The following NRG1 variants were observed in gnomAD, a reference collection of about 807,000 sequenced individuals.
The protein encoded by NRG1 is neuregulin 1.
In NRG1, 18 loss-of-function variants were observed where a neutral mutation model predicts 63.8. The observed-to-expected ratio is 0.28, with a 90% CI of 0.19 to 0.42. The LOEUF is 0.42. Among genes scored for constraint, NRG1 ranks in the 10% least tolerant of loss-of-function variants. NRG1 has a pLI of 1.00. For missense variants in NRG1, 762 were observed against 814.7 expected (o/e 0.94, Z 0.79); for synonymous variants, 302 against 301.3 (o/e 1.00, Z -0.02).
chr8:32,333,215 TGG>T (rs1437212666), intron 1 of NRG1, among the ~76,000 whole-genome samples: 2 of 152,198 alleles, frequency 1.3e-5, no homozygotes, highest in Non-Finnish European at 2.9e-5. Context: ...TGGAACTCAT[TGG>T]TGTTTCAAAA....
Position 32,587,910 on chromosome 8 carries a change from T to TTTTTGTTTTG in NRG1, c.101-7893_101-7884dup, listed in dbSNP as rs199766055. ...GGCCCTCTGTTTGTACATGTGGGTT[T>TTTTTGTTTTG]TTTTGTTTTGTTTTGTTTTGTTTTG... On this transcript the variant is annotated intron_variant, in intron 1 of 11. Transcript: ENST00000356819. Among the ~76,000 whole-genome samples, 682 of 135,728 alleles carry TTTTTGTTTTG rather than the reference T, an allele frequency of 5.0e-3. 4 individuals carry two copies. Among genetic ancestry groups the TTTTTGTTTTG allele is most frequent in the Admixed American group, 8.4e-3 (117 of 13,976 alleles). The allele number at this position is 135,728 out of a possible 152,430, so 89.0% of individuals were successfully genotyped here. A position where few individuals can be genotyped will look rare whatever the true frequency, so the allele number is the denominator to read the frequency against.
At chr8:31,729,607 A>G (rs1563335882) in intron 1 of NRG1, among the ~76,000 whole-genome samples, 1 of 152,158 alleles carries the variant, frequency 6.6e-6, no homozygotes, top group Non-Finnish European at 1.5e-5. Context: ...AAAAAGGCCC[A>G]GAAAAAAAAT....
chr8:32,014,260 G>A (rs940158585), intron 1 of NRG1, among the ~76,000 whole-genome samples: 16 of 152,102 alleles, frequency 1.1e-4, no homozygotes, highest in African/African-American at 3.9e-4. Context: ...CCTTGAAGAG[G>A]TTCTTCACGT....
chr8:32,626,866 C>CA (rs1235187776), intron 5 of NRG1, among the ~76,000 whole-genome samples: 48 of 150,882 alleles, frequency 3.2e-4, no homozygotes, highest in African/African-American at 1.1e-3. Context: ...ACTAAAAATA[C>CA]AAAAATTAGC....
At chr8:32,287,353 C>T (rs1853654947) in intron 1 of NRG1, 1 of 152,202 alleles carries the variant, frequency 6.6e-6, no homozygotes, top group African/African-American at 2.4e-5. Context: ...AAAGTCATAT[C>T]ACTTGGGACA....
chr8:32,148,422 G>A (rs113929064), intron 1 of NRG1, among the ~76,000 whole-genome samples: 4,946 of 152,074 alleles, frequency 0.033, 276 homozygotes, highest in African/African-American at 0.11. Flanking sequence ...TTTTTGAGAC[G>A]GAGTCTAGCT....
intron 1 of NRG1, among the ~76,000 whole-genome samples, chr8:31,860,723 G>A (rs1185761417): frequency 6.6e-6 from 1 of 152,084 alleles, no homozygotes; most frequent in Non-Finnish European, 1.5e-5. Context: ...GGTAATTTAA[G>A]GCAAAGATCA....
chr8:32,246,607 T>C (rs185697058), intron 1 of NRG1, among the ~76,000 whole-genome samples: 24 of 152,310 alleles, frequency 1.6e-4, no homozygotes, highest in Admixed American at 5.9e-4. Context: ...AAAATTCTAT[T>C]TGTAAATGAC....
intron 1 of NRG1, among the ~76,000 whole-genome samples, chr8:32,333,004 A>T (rs1179157982): frequency 6.6e-6 from 1 of 152,198 alleles, no homozygotes; most frequent in Non-Finnish European, 1.5e-5. Flanking sequence ...TTATCCTTCC[A>T]TGCATTGTTT....
At chr8:31,957,545 G>A (rs1256071542) in intron 1 of NRG1, among the ~76,000 whole-genome samples, 1 of 149,682 alleles carries the variant, frequency 6.7e-6, no homozygotes, top group Non-Finnish European at 1.5e-5. Context: ...TAACTTTCTA[G>A]TACCCACATT....
chr8:32,180,272 C>T (rs1585888285), intron 1 of NRG1, among the ~76,000 whole-genome samples: 2 of 152,088 alleles, frequency 1.3e-5, no homozygotes, highest in Admixed American at 1.3e-4. Context: ...TATAACTGCA[C>T]AAATTACCCT....
At chr8:32,605,050 A>C (rs2439283) in intron 2 of NRG1, among the ~76,000 whole-genome samples, 147,534 of 152,212 alleles carry the variant, frequency 0.97, 71,673 homozygotes, top group East Asian at 1. Flanking sequence ...AAATCCTCTT[A>C]ATTCAAAATT....
intron 1 of NRG1, among the ~76,000 whole-genome samples, chr8:32,033,899 G>T (rs568072457): frequency 6.6e-6 from 1 of 152,290 alleles, no homozygotes; most frequent in South Asian, 2.1e-4. Context: ...TACAGACAAA[G>T]ACAATTTGAC....
chr8:32,242,216 C>CT (rs761330114), intron 1 of NRG1, among the ~76,000 whole-genome samples: 37 of 152,276 alleles, frequency 2.4e-4, no homozygotes, highest in Middle Eastern at 3.4e-3. Flanking sequence ...TGGCTCATGC[C>CT]TGTAATCCCA....
intron 5 of NRG1, chr8:32,646,950 G>GAA (rs1233318851): frequency 1.0e-6 from 1 of 984,544 alleles, no homozygotes; most frequent in Non-Finnish European, 1.2e-6. Flanking sequence ...ATGAAGAAGG[G>GAA]AAAGAAAGAG....
intron 1 of NRG1, among the ~76,000 whole-genome samples, chr8:32,334,559 A>C (rs535383421): frequency 5.3e-5 from 8 of 152,336 alleles, no homozygotes; most frequent in Non-Finnish European, 1.2e-4. Flanking sequence ...AGAAAAATAA[A>C]AGCCACGACA....
At chr8:31,685,117 A>C (rs1808752643) in intron 1 of NRG1, among the ~76,000 whole-genome samples, 1 of 152,134 alleles carries the variant, frequency 6.6e-6, no homozygotes, top group Non-Finnish European at 1.5e-5. Flanking sequence ...ACATATTAAA[A>C]ATGTAGTCGA....
intron 1 of NRG1, among the ~76,000 whole-genome samples, chr8:32,187,088 C>T (rs1256472024): frequency 6.6e-6 from 1 of 152,182 alleles, no homozygotes; most frequent in Admixed American, 6.5e-5. Flanking sequence ...CTTAACAGGA[C>T]ATCCATGGCT....
intron 1 of NRG1, among the ~76,000 whole-genome samples, chr8:31,743,511 A>G (rs1169676066): frequency 1.3e-5 from 2 of 151,910 alleles, no homozygotes; most frequent in South Asian, 4.1e-4. Flanking sequence ...ACTAGTTACC[A>G]TGGTCATCAT....
Sources: gnomAD v4.1 joint callset for allele counts (sites outside exome capture counted in the v4.1 genomes callset) on GRCh38, gnomAD v4.1.1 for gene constraint, MANE v1.5 for transcripts, NCBI Gene and HGNC (gene_info 2026-07-23, HGNC 2026-07-21) for gene names.